The following ALG8 variants were observed in gnomAD, a reference collection of about 807,000 sequenced individuals.
ALG8 encodes the protein ALG8 alpha-1,3-glucosyltransferase, also known as dolichyl pyrophosphate Glc1Man9GlcNAc2 alpha-1,3-glucosyltransferase.
Under a neutral mutation model 70.2 loss-of-function variants are expected in ALG8, and 48 were observed. The observed-to-expected ratio is 0.68, with a 90% CI of 0.54 to 0.87. The LOEUF (loss-of-function observed/expected upper bound fraction) is 0.87. Among genes scored for constraint, ALG8 ranks in the 40% least tolerant of loss-of-function variants. The pLI, the probability that ALG8 is intolerant of heterozygous loss-of-function variation, is 0.00. For synonymous variants in ALG8, 234 were observed against 229.0 expected (o/e 1.02, Z -0.20); for missense variants, 572 against 608.7 (o/e 0.94, Z 0.64).
intron 1 of ALG8, among the ~76,000 whole-genome samples, chr11:78,134,104 G>C (rs1861436292): frequency 1.3e-5 from 2 of 151,834 alleles, no homozygotes; most frequent in African/African-American, 4.8e-5. Context: ...TCAGGTTTAT[G>C]GGTGCTGAAG....
At chr11:78,114,101 A>G (rs1860447249) in intron 6 of ALG8, 112 bp from the exon 7 acceptor site, 24 of 1,355,508 alleles carry the variant, frequency 1.8e-5, no homozygotes, top group Non-Finnish European at 2.5e-5. Context: ...CAATCTATTC[A>G]TGATGTGGCA....
At chr11:78,125,507 T>C (rs1407377021) in intron 2 of ALG8, among the ~76,000 whole-genome samples, 1 of 151,138 alleles carries the variant, frequency 6.6e-6, no homozygotes. Context: ...GGCTCACACC[T>C]GTAATCCCAG....
intron 1 of ALG8, among the ~76,000 whole-genome samples, chr11:78,135,938 A>G (rs527610723): frequency 1.3e-5 from 2 of 151,906 alleles, no homozygotes; most frequent in Non-Finnish European, 2.9e-5. Flanking sequence ...GGAGGCCAAG[A>G]CAGGTGGATC....
At position 78,139,568 on chromosome 11, in the gene ALG8, G is replaced by A. The variant is rs1290283517; in HGVS notation, c.21C>T (p.Ala7=). 1.3e-6 allele frequency: 2 copies of A among 1,558,434 alleles called. No homozygotes were observed. The highest frequency in any genetic ancestry group is 1.7e-6 in the Non-Finnish European group (2 of 1,150,654). Residue 7 remains alanine, a synonymous_variant, in exon 1 of 13, where the codon GCC becomes GCT. Coordinates refer to ENST00000299626, the MANE Select transcript of ALG8 (RefSeq NM_024079.5). The stretch of plus-strand genomic sequence containing the variant: ...CCGAAAACCAATTGCCAGTACCCGT[G>A]GCAATTGTGAGCGCCGCCATTGCTG... MAALTI[A]TGTGNWFSAL...
rs139001497 is a variant in ALG8 at position 78,138,569 on chromosome 11, C to A, written c.95+925G>T. 2.1e-3 allele frequency: 779 copies of A among 375,242 alleles called. 6 individuals are homozygous for A. The highest frequency in any genetic ancestry group is 0.016 in the African/African-American group (744 of 47,190). The allele number at this position is 375,242 out of a possible 1,614,324, so 23.2% of individuals were successfully genotyped here. ...ATATTCAACAAGAGATCACCAAGAG[C>A]CTGAATCAAAGGATACCAATAAAAC... On this transcript the variant is annotated intron_variant, in intron 1 of 12. Coordinates refer to ENST00000299626, the MANE Select transcript of ALG8 (RefSeq NM_024079.5).
intron 11 of ALG8, 111 bp downstream of exon 11, chr11:78,104,245 G>T: frequency 9.3e-7 from 1 of 1,071,318 alleles, no homozygotes. Context: ...GAGGATGAAT[G>T]ATCTCTATCC....
chr11:78,105,078 T>C (rs1859955676), intron 10 of ALG8, among the ~76,000 whole-genome samples: 1 of 151,864 alleles, frequency 6.6e-6, no homozygotes, highest in Non-Finnish European at 1.5e-5. Context: ...GGACTTGGAG[T>C]TTCATTTCCA....
In ALG8 at chr11:78,114,385, T is replaced by C. The variant is rs1347574916; in HGVS notation, c.554A>G (p.His185Arg). 3.1e-6 allele frequency: 5 copies of C among 1,614,002 alleles called. No homozygotes were observed. In the African/African-American group the frequency reaches 4.0e-5, roughly 13 times the overall value. ...LSIARLFQKR[H>R]MEGAFLFAVL... ...AGCAAAGAGAAATGCTCCTTCCATA[T>C]GCCTTTTCTAGGAGATTTAAAAGGG... Residue 185 changes from histidine (H) to arginine (R), a missense_variant, in exon 6 of 13, where the codon CAT becomes CGT. By Grantham distance (29) the His-to-Arg change is conservative. Transcript: ENST00000299626.
intron 3 of ALG8, among the ~76,000 whole-genome samples, chr11:78,123,503 C>T (rs181076414): frequency 9.2e-4 from 140 of 152,018 alleles, no homozygotes; most frequent in African/African-American, 3.3e-3. Context: ...CTTAAAATAA[C>T]AAAGAGTCTT....
chr11:78,119,233 G>A lies in ALG8; in HGVS notation c.495C>T (p.Tyr165=). The A allele has an allele frequency of 6.2e-7, 1 of 1,611,456 alleles. No individual in the cohort carries two copies. The highest frequency in any genetic ancestry group is 8.5e-7 in the Non-Finnish European group (1 of 1,177,866). ...GCATTAATCCAAATAAAAAGCCATT[G>A]TACTGAAAATGAATATCTGGACTTA... The part of the protein sequence containing the change: ...LLIVDHIHFQ[Y]NGFLFGLMLL... Residue 165 remains tyrosine (Y), a synonymous_variant, in exon 5 of 13, where the codon TAC becomes TAT. Transcript: ENST00000299626.
In ALG8 at chr11:78,139,446, C is replaced by G. The variant is rs1021753114; in HGVS notation, c.95+48G>C. On this transcript the variant is annotated intron_variant, in intron 1 of 12. Coordinates refer to ENST00000299626, the MANE Select transcript of ALG8 (RefSeq NM_024079.5). ...CCACACCTTTCTCTCCCGCCCTGACCGACCGCGGGGCCTCCCCGCCCAGCC... is the reference window on the plus strand; with the variant it reads ...CCACACCTTTCTCTCCCGCCCTGACGGACCGCGGGGCCTCCCCGCCCAGCC... 4.5e-6 allele frequency: 7 copies of G among 1,542,002 alleles called. No homozygotes were observed. The African/African-American group carries it at 8.2e-5, about 18-fold the overall frequency.
intron 1 of ALG8, among the ~76,000 whole-genome samples, chr11:78,136,118 T>C (rs553735469): frequency 6.6e-6 from 1 of 152,036 alleles, no homozygotes; most frequent in Non-Finnish European, 1.5e-5. Flanking sequence ...AGCAGTGAGC[T>C]GAGATCATAC....
At chr11:78,131,997 C>T (rs1318422925) in intron 1 of ALG8, among the ~76,000 whole-genome samples, 6 of 152,198 alleles carry the variant, frequency 3.9e-5, no homozygotes, top group South Asian at 2.1e-4. Context: ...TTTTGGATCT[C>T]GCTTACTCAC....
rs553375369 is a variant in ALG8, at chr11:78,135,596, C to T, written c.95+3898G>A. Among the ~76,000 whole-genome samples the T allele has an allele frequency of 7.9e-5, 12 of 152,188 alleles. No individual in the cohort carries two copies. The South Asian group carries it at 1.2e-3, about 16-fold the overall frequency. Reference sequence around the variant, plus strand: ...GGGCATGGTGCTCACGCCTGTAATCCCAACACTTTGGGAGGCCAAAGAGAG... The same window carrying T: ...GGGCATGGTGCTCACGCCTGTAATCTCAACACTTTGGGAGGCCAAAGAGAG... On this transcript the variant is annotated intron_variant, in intron 1 of 12. Transcript: ENST00000299626.
intron 1 of ALG8, chr11:78,138,882 G>A (rs529016408): frequency 2.3e-6 from 1 of 440,366 alleles, no homozygotes; most frequent in Non-Finnish European, 4.6e-6. Context: ...GCAGCCACAA[G>A]GGGCACTTTC....
chr11:78,127,365 T>C lies in ALG8; in HGVS notation c.167A>G (p.Tyr56Cys). Residue 56 changes from tyrosine to cysteine, a missense_variant, in exon 2 of 13, where the codon TAT becomes TGT. Physicochemically the swap from Tyr to Cys is radical, Grantham distance 194. Transcript: ENST00000299626. ...ITHSLPISQW[Y>C]YEATSEWTLD... ...GTGAAAATTAAAACTTACCTCATAA[T>C]ACCACTGTGATATTGGCAAACTGTG... 6.2e-7 allele frequency: 1 copy of C among 1,611,944 alleles called. No individual in the cohort carries two copies. Among genetic ancestry groups the C allele is most frequent in the Non-Finnish European group, 8.5e-7 (1 of 1,178,174 alleles).
Position 78,101,087 on chromosome 11 carries a change from C to T in ALG8, c.1458G>A (p.Lys486=). 1.2e-6 allele frequency: 2 copies of T among 1,614,094 alleles called. No individual in the cohort carries two copies. The highest frequency in any genetic ancestry group is 1.6e-4 in the Middle Eastern group (1 of 6,062). ...FVFPFTSWKV[K]YPFIPLLLTS... ...TTAGTAACAAAGGGATGAAGGGGTACTTCACCTTCCAGGAGGTGAAAGGGA... is the reference window on the plus strand; with the variant it reads ...TTAGTAACAAAGGGATGAAGGGGTATTTCACCTTCCAGGAGGTGAAAGGGA... Residue 486 remains lysine, a synonymous_variant, in exon 13 of 13, where the codon AAG becomes AAA. Transcript: ENST00000299626.
At chr11:78,106,766 G>A (rs1174159534) in intron 10 of ALG8, 41 bp downstream of exon 10, 1 of 1,612,466 alleles carries the variant, frequency 6.2e-7, no homozygotes, top group Non-Finnish European at 8.5e-7. Context: ...GGATCATTGT[G>A]AAATATGCCA....
chr11:78,107,048 C>A, intron 9 of ALG8, 102 bp from the exon 10 acceptor site: 1 of 1,326,268 alleles, frequency 7.5e-7, no homozygotes, highest in Non-Finnish European at 1.1e-6. Flanking sequence ...GAAAGACAGC[C>A]AATCTTAGAC....
Sources: allele counts gnomAD v4.1 joint callset (sites outside exome capture counted in the v4.1 genomes callset), GRCh38; gene constraint gnomAD v4.1.1; transcripts MANE v1.5; gene names NCBI Gene and HGNC (gene_info 2026-07-23, HGNC 2026-07-21).